Variants in EPSTI1 observed in about 807,000 individuals in gnomAD.
EPSTI1 encodes epithelial-stromal interaction protein 1.
Under a neutral mutation model 49.9 loss-of-function variants are expected in EPSTI1, and 66 were observed. The observed-to-expected ratio is 1.32, with a 90% confidence interval of 1.08 to 1.62. The LOEUF is 1.62. EPSTI1 is among the 40% of genes most tolerant of loss of function. The pLI, the probability that EPSTI1 is intolerant of heterozygous loss-of-function variation, is 0.00. For synonymous variants in EPSTI1, 137 were observed against 130.7 expected, an observed-to-expected ratio of 1.05 and a Z score of -0.33; for missense variants, 394 against 365.5, an observed-to-expected ratio of 1.08 and a Z score of -0.64.
chr13:42,953,933 A>T lies in EPSTI1; in HGVS notation c.563+15T>A. ...CTGCCTATAAAGGCACGAAGTTCTGAAAACATTAACTTACTATTGCTGATG... is the reference window on the plus strand; with the variant it reads ...CTGCCTATAAAGGCACGAAGTTCTGTAAACATTAACTTACTATTGCTGATG... On this transcript the variant is annotated intron_variant, in intron 6 of 10. Coordinates refer to ENST00000313624, the MANE Select transcript of EPSTI1 (RefSeq NM_033255.5). 6.2e-7 allele frequency: 1 copy of T among 1,607,494 alleles called. No individual in the cohort carries two copies. Among genetic ancestry groups the T allele is most frequent in the South Asian group, 1.1e-5 (1 of 89,744 alleles).
intron 6 of EPSTI1, among the ~76,000 whole-genome samples, chr13:42,949,819 T>A (rs142739287): frequency 2.3e-4 from 35 of 151,892 alleles, no homozygotes; most frequent in African/African-American, 8.2e-4. Flanking sequence ...TTAACACTCA[T>A]CCAAAAAAAC....
intron 6 of EPSTI1, among the ~76,000 whole-genome samples, chr13:42,940,883 T>C (rs2038730276): frequency 6.6e-6 from 1 of 152,260 alleles, no homozygotes; most frequent in African/African-American, 2.4e-5. Context: ...TCCTATTTCC[T>C]CTTTTAACTG....
At chr13:42,918,068 C>T (rs2037888867) in intron 7 of EPSTI1, among the ~76,000 whole-genome samples, 1 of 152,164 alleles carries the variant, frequency 6.6e-6, no homozygotes, top group African/African-American at 2.4e-5. Context: ...GATTAAGCAG[C>T]TTGTCAACTA....
intron 3 of EPSTI1, among the ~76,000 whole-genome samples, chr13:42,965,696 TCTCCCTCTCCCTCTCCCTCTC>T: frequency 1.9e-4 from 1 of 5,200 alleles, no homozygotes; most frequent in Admixed American, 2.7e-3. Context: ...TCCCTCTCCC[TCTCCCTCTCCCTCTCCCTCTC>T]CCTCTCCCTC....
In EPSTI1 at chr13:42,963,385, C is replaced by T. The variant is rs775334895; in HGVS notation, c.406-47G>A. On this transcript the variant is annotated intron_variant, in intron 4 of 10. Coordinates refer to ENST00000313624, the MANE Select transcript of EPSTI1 (RefSeq NM_033255.5). ...GAGAACAAAAACAGTTACCATTTTT[C>T]AGTCTGAACTCTGGAACACAAAATT... 12 of 1,461,080 alleles carry T rather than the reference C, an allele frequency of 8.2e-6. No homozygotes were observed. In the Middle Eastern group the frequency reaches 1.2e-3, roughly 149 times the overall value. The allele number at this position is 1,461,080 out of a possible 1,614,324, so 90.5% of individuals were successfully genotyped here. A position where few individuals can be genotyped will look rare whatever the true frequency, so the allele number is the denominator to read the frequency against.
intron 6 of EPSTI1, among the ~76,000 whole-genome samples, chr13:42,940,069 C>T (rs771338058): frequency 2.4e-4 from 36 of 152,156 alleles, no homozygotes; most frequent in Non-Finnish European, 4.0e-4. Context: ...ACAGGTTATC[C>T]CTGTGGCTTG....
At chr13:42,921,677 A>G (rs2037999225) in intron 7 of EPSTI1, among the ~76,000 whole-genome samples, 1 of 152,148 alleles carries the variant, frequency 6.6e-6, no homozygotes. Flanking sequence ...CCAGGTCACA[A>G]TACAGCAGGC....
At chr13:42,948,904 G>A (rs370056840) in intron 6 of EPSTI1, among the ~76,000 whole-genome samples, 2 of 152,182 alleles carry the variant, frequency 1.3e-5, no homozygotes, top group Non-Finnish European at 2.9e-5. Flanking sequence ...CCCCCCAACA[G>A]ACTTAATGGA....
At chr13:42,978,200 T>C (rs189709907) in intron 1 of EPSTI1, among the ~76,000 whole-genome samples, 169 of 151,656 alleles carry the variant, frequency 1.1e-3, no homozygotes, top group African/African-American at 3.8e-3. Flanking sequence ...GACGCACCCA[T>C]GACACAGCTT....
At position 42,926,026 on chromosome 13, in the gene EPSTI1, TGGAAGGAA is replaced by T. The variant is rs60372725; in HGVS notation, c.657+302_657+309del. Among the ~76,000 whole-genome samples, 6 of 142,734 alleles carry T rather than the reference TGGAAGGAA, an allele frequency of 4.2e-5. No homozygotes were observed. The East Asian group carries it at 1.2e-3, about 30-fold the overall frequency. 93.6% of individuals were successfully genotyped at this position (142,734 alleles called of 152,430 possible). A position where few individuals can be genotyped will look rare whatever the true frequency, so the allele number is the denominator to read the frequency against. On this transcript the variant is annotated intron_variant, in intron 7 of 10. Transcript: ENST00000313624. ...AAGGAAGGATGGATGGATGCATGGA[TGGAAGGAA>T]GGAAGGAAGGAAGGTAGGAAGGATG...
chr13:42,913,979 T>G (rs1486342228), intron 8 of EPSTI1, among the ~76,000 whole-genome samples: 2 of 152,192 alleles, frequency 1.3e-5, no homozygotes, highest in African/African-American at 4.8e-5. Flanking sequence ...GTTGGCCATG[T>G]GAAGATGTGC....
At chr13:42,949,605 A>G (rs1379677311) in intron 6 of EPSTI1, among the ~76,000 whole-genome samples, 2 of 151,738 alleles carry the variant, frequency 1.3e-5, no homozygotes, top group South Asian at 2.1e-4. Flanking sequence ...AAAAAAAAAA[A>G]AAAGAAAAGA....
At chr13:42,956,392 CTATA>C (rs2039272489) in intron 5 of EPSTI1, among the ~76,000 whole-genome samples, 1 of 152,112 alleles carries the variant, frequency 6.6e-6, no homozygotes, top group South Asian at 2.1e-4. Flanking sequence ...GAGAGAAATT[CTATA>C]TCCAACCCAA....
At chr13:42,909,644 A>C (rs548297147) in intron 8 of EPSTI1, among the ~76,000 whole-genome samples, 107 of 152,158 alleles carry the variant, frequency 7.0e-4, no homozygotes, top group Non-Finnish European at 1.4e-3. Context: ...GGATGAACCC[A>C]GAGGACATTA....
intron 6 of EPSTI1, among the ~76,000 whole-genome samples, chr13:42,932,171 G>A (rs1594672869): frequency 2.6e-5 from 4 of 151,940 alleles, no homozygotes. Flanking sequence ...GGCCTCAAGT[G>A]ATCCTCCCAC....
intron 7 of EPSTI1, chr13:42,919,216 A>C (rs1331796301): frequency 7.6e-7 from 1 of 1,313,304 alleles, no homozygotes; most frequent in Admixed American, 1.8e-5. Context: ...AAGGTGCCTT[A>C]TAAAGGTCCA....
At chr13:42,925,688 C>T (rs558281543) in intron 7 of EPSTI1, among the ~76,000 whole-genome samples, 17 of 152,318 alleles carry the variant, frequency 1.1e-4, no homozygotes, top group Non-Finnish European at 1.5e-4. Context: ...ACAAGCCATG[C>T]TTATTTCTTG....
At chr13:42,898,133 T>C (rs2037249616) in intron 9 of EPSTI1, among the ~76,000 whole-genome samples, 1 of 152,208 alleles carries the variant, frequency 6.6e-6, no homozygotes, top group African/African-American at 2.4e-5. Flanking sequence ...TACAGGTTCA[T>C]TGAAAAGCTT....
At chr13:42,911,788 A>C (rs749992867) in intron 8 of EPSTI1, among the ~76,000 whole-genome samples, 2 of 152,188 alleles carry the variant, frequency 1.3e-5, no homozygotes, top group Non-Finnish European at 2.9e-5. Context: ...GCTGTTTCTT[A>C]GAGTTTTATT....
Sources: allele counts gnomAD v4.1 joint callset (sites outside exome capture counted in the v4.1 genomes callset), GRCh38; gene constraint gnomAD v4.1.1; transcripts MANE v1.5; gene names NCBI Gene and HGNC (gene_info 2026-07-23, HGNC 2026-07-21).